The following SLC24A2 variants were observed in gnomAD, a reference collection of about 807,000 sequenced individuals.
SLC24A2 encodes solute carrier family 24 member 2, also known as sodium/potassium/calcium exchanger 2.
In SLC24A2, 36 loss-of-function variants were observed where a neutral mutation model predicts 62.0. The observed-to-expected ratio is 0.58, with a 90% confidence interval of 0.44 to 0.77. The LOEUF (loss-of-function observed/expected upper bound fraction) is 0.77. Among genes scored for constraint, SLC24A2 ranks in the 30% least tolerant of loss-of-function variants. SLC24A2 has a pLI of 0.00. For missense variants in SLC24A2, 846 were observed against 817.9 expected, an observed-to-expected ratio of 1.03 and a Z score of -0.42; for synonymous variants, 358 against 294.0, an observed-to-expected ratio of 1.22 and a Z score of -2.23.
chr9:19,896,966 C>G, the SLC24A2 span, among the ~76,000 whole-genome samples: 1 of 152,148 alleles, frequency 6.6e-6, no homozygotes, highest in Non-Finnish European at 1.5e-5. Flanking sequence ...CCACTTTTCT[C>G]ATTTGGCGAG....
chr9:20,157,428 A>G, the SLC24A2 span, among the ~76,000 whole-genome samples: 1 of 151,892 alleles, frequency 6.6e-6, no homozygotes, highest in Admixed American at 6.6e-5. Flanking sequence ...GACTTCATGA[A>G]AAACAGGGGA....
At chr9:19,863,341 A>G in the SLC24A2 span, among the ~76,000 whole-genome samples, 1 of 152,218 alleles carries the variant, frequency 6.6e-6, no homozygotes, top group South Asian at 2.1e-4. Context: ...TTCCAGACAG[A>G]AAATCAACAA....
chr9:20,032,576 G>T, the SLC24A2 span, among the ~76,000 whole-genome samples: 2 of 152,200 alleles, frequency 1.3e-5, no homozygotes, highest in Non-Finnish European at 2.9e-5. Flanking sequence ...GTAGATGACA[G>T]AGAAGTACGG....
the SLC24A2 span, among the ~76,000 whole-genome samples, chr9:20,061,836 C>T: frequency 5.9e-5 from 9 of 151,634 alleles, no homozygotes; most frequent in African/African-American, 9.7e-5. Context: ...ACCTGGTAAA[C>T]GGGACTTTAC....
chr9:20,126,044 G>C, the SLC24A2 span, among the ~76,000 whole-genome samples: 1 of 152,162 alleles, frequency 6.6e-6, no homozygotes, highest in South Asian at 2.1e-4. Flanking sequence ...GGCACTGTGA[G>C]TGCTCACCCG....
chr9:20,094,630 C>A, the SLC24A2 span, among the ~76,000 whole-genome samples: 2 of 152,034 alleles, frequency 1.3e-5, no homozygotes, highest in Non-Finnish European at 2.9e-5. Context: ...TTGTGTATGT[C>A]TTTTGAACAG....
At chr9:19,753,873 C>A (rs1160890175) in intron 2 of SLC24A2, among the ~76,000 whole-genome samples, 2 of 152,042 alleles carry the variant, frequency 1.3e-5, no homozygotes, top group Admixed American at 1.3e-4. Context: ...GGGGATGAGA[C>A]CCACAAGCAC....
chr9:19,895,936 A>G, the SLC24A2 span: 2 of 1,613,246 alleles, frequency 1.2e-6, no homozygotes, highest in Non-Finnish European at 1.7e-6. Context: ...CAGGTCAAAC[A>G]GCTGCACGTG....
chr9:19,626,746 T>TA (rs932960902), intron 2 of SLC24A2, among the ~76,000 whole-genome samples: 1 of 152,218 alleles, frequency 6.6e-6, no homozygotes, highest in Non-Finnish European at 1.5e-5. Flanking sequence ...GATTTTCATT[T>TA]AAAAAATTAA....
At chr9:19,764,327 G>C (rs1822445583) in intron 2 of SLC24A2, among the ~76,000 whole-genome samples, 1 of 151,320 alleles carries the variant, frequency 6.6e-6, no homozygotes, top group Admixed American at 6.6e-5. Flanking sequence ...GTTCTGCTCT[G>C]ATCTTACTTC....
chr9:19,553,431 C>G (rs760969412), intron 7 of SLC24A2, among the ~76,000 whole-genome samples: 16 of 152,232 alleles, frequency 1.1e-4, no homozygotes, highest in Middle Eastern at 3.4e-3. Context: ...ATTCAAATGG[C>G]TTTTGATATG....
At chr9:19,755,154 G>A (rs1217372705) in intron 2 of SLC24A2, among the ~76,000 whole-genome samples, 1 of 152,006 alleles carries the variant, frequency 6.6e-6, no homozygotes, top group African/African-American at 2.4e-5. Flanking sequence ...TGCAACCAGG[G>A]GCAAGTTCCT....
the SLC24A2 span, among the ~76,000 whole-genome samples, chr9:20,256,674 G>A: frequency 8.5e-5 from 13 of 152,170 alleles, no homozygotes; most frequent in South Asian, 6.2e-4. Context: ...TAGGTTCAGG[G>A]GAGAGGTTGG....
At chr9:19,553,808 C>G (rs900245513) in intron 7 of SLC24A2, among the ~76,000 whole-genome samples, 3 of 152,222 alleles carry the variant, frequency 2.0e-5, no homozygotes, top group African/African-American at 7.2e-5. Context: ...TGAGACAGAA[C>G]AGAAGATTCC....
At chr9:19,774,288 A>G (rs1822778839) in intron 2 of SLC24A2, among the ~76,000 whole-genome samples, 1 of 152,178 alleles carries the variant, frequency 6.6e-6, no homozygotes, top group South Asian at 2.1e-4. Flanking sequence ...GGAAAATGCT[A>G]TTACTTTAAA....
At chr9:19,829,810 TAC>T in the SLC24A2 span, among the ~76,000 whole-genome samples, 2,242 of 34,034 alleles carry the variant, frequency 0.066, 27 homozygotes, top group Non-Finnish European at 0.13. Flanking sequence ...TATATATATA[TAC>T]ACACACACAC....
At chr9:19,771,303 G>T (rs1822680202) in intron 2 of SLC24A2, among the ~76,000 whole-genome samples, 1 of 152,168 alleles carries the variant, frequency 6.6e-6, no homozygotes. Context: ...ACACTATCTT[G>T]TCCTGTTCTA....
the SLC24A2 span, among the ~76,000 whole-genome samples, chr9:19,966,225 T>C: frequency 6.6e-6 from 1 of 152,184 alleles, no homozygotes; most frequent in Non-Finnish European, 1.5e-5. Flanking sequence ...TTTTTGTGTA[T>C]TTAAGGGTTT....
chr9:20,250,261 T>C, the SLC24A2 span, among the ~76,000 whole-genome samples: 5 of 152,220 alleles, frequency 3.3e-5, no homozygotes. Context: ...GAACCAGAAT[T>C]AGAACTCAGA....
Sources: allele counts gnomAD v4.1 joint callset (sites outside exome capture counted in the v4.1 genomes callset), GRCh38; gene constraint gnomAD v4.1.1; transcripts MANE v1.5; gene names NCBI Gene and HGNC (gene_info 2026-07-23, HGNC 2026-07-21).